The following TENM2 variants were observed in gnomAD, a reference collection of about 807,000 sequenced individuals.
The protein encoded by TENM2 is teneurin transmembrane protein 2, also known as teneurin-2.
TENM2 carries 52 observed loss-of-function variants against 245.2 expected under a neutral mutation model. The ratio of observed to expected loss-of-function variants is 0.21; its 90% confidence interval spans 0.17 to 0.27. TENM2 has a LOEUF of 0.27. TENM2 is among the 10% of genes least tolerant of loss of function. TENM2 has a pLI of 1.00. For synonymous variants in TENM2, 1,363 were observed against 1,438.9 expected, an observed-to-expected ratio of 0.95 and a Z score of 1.19; for missense variants, 3,046 against 3,666.8, an observed-to-expected ratio of 0.83 and a Z score of 4.37.
At chr5:167,844,846 C>CA (rs34170173) in intron 2 of TENM2, among the ~76,000 whole-genome samples, 80,217 of 136,092 alleles carry the variant, frequency 0.59, 23,414 homozygotes, top group Non-Finnish European at 0.67. Context: ...TGGTAGTGGC[C>CA]AAAAAAAAAA....
chr5:167,863,262 C>T (rs958387792), intron 2 of TENM2, among the ~76,000 whole-genome samples: 2 of 152,180 alleles, frequency 1.3e-5, no homozygotes, highest in Admixed American at 6.5e-5. Flanking sequence ...AAATATTAGT[C>T]TCTTCCATGG....
At chr5:167,747,544 C>T (rs1034278626) in intron 2 of TENM2, among the ~76,000 whole-genome samples, 1 of 152,216 alleles carries the variant, frequency 6.6e-6, no homozygotes, top group Admixed American at 6.5e-5. Flanking sequence ...CGCTGATACT[C>T]AGCTCAAATG....
chr5:167,614,245 A>T lies in TENM2; in HGVS notation c.502+238772A>T, dbSNP rs544423630. The stretch of plus-strand genomic sequence containing the variant: ...CTTTTGAATGTCTTTAATTCAAAAA[A>T]TGTATGAACACGGTAACGGAATAAA... On this transcript the variant is annotated intron_variant, in intron 2 of 28. Coordinates refer to ENST00000518659, the Ensembl canonical transcript of TENM2. Among the ~76,000 whole-genome samples the T allele has an allele frequency of 5.3e-5, 8 of 152,294 alleles. No homozygotes were observed. In the East Asian group the frequency reaches 1.5e-3, roughly 29 times the overall value.
the TENM2 span, among the ~76,000 whole-genome samples, chr5:167,103,763 T>A: frequency 6.6e-6 from 1 of 152,042 alleles, no homozygotes; most frequent in African/African-American, 2.4e-5. Context: ...CTCCTTGGAC[T>A]ACAAGTCCCC....
chr5:167,742,881 C>T (rs964288390), intron 2 of TENM2, among the ~76,000 whole-genome samples: 6 of 151,816 alleles, frequency 4.0e-5, no homozygotes, highest in Non-Finnish European at 8.8e-5. Context: ...GGCAGAAGCA[C>T]AACTTGAGCC....
chr5:167,431,959 A>G (rs11957302), intron 2 of TENM2, among the ~76,000 whole-genome samples: 2,804 of 37,154 alleles, frequency 0.075, 35 homozygotes, highest in Admixed American at 0.14. Context: ...GTATATATAT[A>G]TGTATATATA....
chr5:167,031,232 C>T, the TENM2 span, among the ~76,000 whole-genome samples: 1 of 152,220 alleles, frequency 6.6e-6, no homozygotes, highest in South Asian at 2.1e-4. Context: ...TGGGAACATT[C>T]ATTAGACGTG....
the TENM2 span, among the ~76,000 whole-genome samples, chr5:167,060,633 A>G: frequency 6.8e-6 from 1 of 147,488 alleles, no homozygotes; most frequent in Non-Finnish European, 1.5e-5. Context: ...CCTGATCAAC[A>G]GGGCAAGACC....
the TENM2 span, among the ~76,000 whole-genome samples, chr5:167,028,837 T>C: frequency 7.8e-4 from 118 of 152,254 alleles, no homozygotes; most frequent in African/African-American, 2.7e-3. Flanking sequence ...CAGTCGAAGC[T>C]CTGCCACTAA....
chr5:168,073,804 A>G (rs1189362437), intron 7 of TENM2, among the ~76,000 whole-genome samples: 1 of 152,244 alleles, frequency 6.6e-6, no homozygotes, highest in Non-Finnish European at 1.5e-5. Context: ...AAGGGTCAAC[A>G]TTCCCTGAAG....
chr5:168,086,815 A>C (rs1224548285), intron 7 of TENM2, among the ~76,000 whole-genome samples: 1 of 152,222 alleles, frequency 6.6e-6, no homozygotes, highest in Non-Finnish European at 1.5e-5. Context: ...CTGAGTTATC[A>C]ATTCCCAGTG....
At chr5:168,000,699 A>G (rs1784360110) in intron 5 of TENM2, among the ~76,000 whole-genome samples, 1 of 152,196 alleles carries the variant, frequency 6.6e-6, no homozygotes, top group Non-Finnish European at 1.5e-5. Context: ...TTTATTTTAT[A>G]TATTTGGAAA....
At chr5:167,138,913 G>A in the TENM2 span, among the ~76,000 whole-genome samples, 1 of 152,192 alleles carries the variant, frequency 6.6e-6, no homozygotes, top group Non-Finnish European at 1.5e-5. Context: ...ATGAGTCACA[G>A]CGCCTGGCCT....
chr5:167,019,061 T>C, the TENM2 span, among the ~76,000 whole-genome samples: 1 of 152,192 alleles, frequency 6.6e-6, no homozygotes, highest in African/African-American at 2.4e-5. Context: ...TGCATTCCTA[T>C]TTTCTACCTA....
intron 8 of TENM2, 36 bp from the exon 11 acceptor site, chr5:168,097,990 A>G (rs1373175994): frequency 2.6e-6 from 4 of 1,511,300 alleles, no homozygotes; most frequent in African/African-American, 2.7e-5. Flanking sequence ...CAGTAGACAG[A>G]GGAAAAGGTA....
chr5:167,348,932 T>G (rs1258182553), intron 1 of TENM2, among the ~76,000 whole-genome samples: 2 of 152,198 alleles, frequency 1.3e-5, no homozygotes, highest in Non-Finnish European at 2.9e-5. Flanking sequence ...ACCCCGTTGT[T>G]GTTTGCTGGT....
At chr5:167,013,172 G>A in the TENM2 span, among the ~76,000 whole-genome samples, 1 of 152,254 alleles carries the variant, frequency 6.6e-6, no homozygotes, top group South Asian at 2.1e-4. Context: ...AAGTGGAAGA[G>A]AGAGCCTTAT....
the TENM2 span, among the ~76,000 whole-genome samples, chr5:167,000,786 A>G: frequency 2.0e-5 from 3 of 152,354 alleles, no homozygotes; most frequent in South Asian, 6.2e-4. Flanking sequence ...TAAGCTTATC[A>G]GAACTCCTAG....
chr5:168,260,552 TC>T, intron 28 of TENM2, 139 bp downstream of exon 30: 1 of 973,840 alleles, frequency 1.0e-6, no homozygotes, highest in Non-Finnish European at 1.5e-6. Flanking sequence ...CATTGAGACT[TC>T]CCAGGAAAGC....
Sources: allele counts gnomAD v4.1 joint callset (sites outside exome capture counted in the v4.1 genomes callset), GRCh38; gene constraint gnomAD v4.1.1; transcripts MANE v1.5; gene names NCBI Gene and HGNC (gene_info 2026-07-23, HGNC 2026-07-21).